LRRC4C: variants seen among roughly 807,000 people sequenced by gnomAD.
LRRC4C encodes leucine-rich repeat-containing protein 4C.
A neutral mutation model predicts 33.6 loss-of-function variants in LRRC4C; 5 were observed. The observed-to-expected ratio is 0.15, with a 90% CI of 0.08 to 0.31. LRRC4C has a LOEUF of 0.31. LRRC4C is among the 10% of genes least tolerant of loss of function. LRRC4C has a pLI of 1.00. For synonymous variants in LRRC4C, 329 were observed against 302.0 expected (o/e 1.09, Z -0.93); for missense variants, 560 against 796.7 (o/e 0.70, Z 3.58).
At chr11:40,199,765 T>A (rs1018445438) in intron 5 of LRRC4C, among the ~76,000 whole-genome samples, 1 of 152,340 alleles carries the variant, frequency 6.6e-6, no homozygotes, top group Non-Finnish European at 1.5e-5. Flanking sequence ...GTTTCCCTTC[T>A]GGGAATTTTC....
chr11:40,615,253 T>TATATATATAAATAA (rs1555119243), intron 3 of LRRC4C, among the ~76,000 whole-genome samples: 2 of 93,116 alleles, frequency 2.1e-5, no homozygotes, highest in African/African-American at 6.6e-5. Context: ...TATATATATA[T>TATATATATAAATAA]ATATATATAT....
intron 1 of LRRC4C, among the ~76,000 whole-genome samples, chr11:41,194,666 A>G (rs1192075162): frequency 6.6e-6 from 1 of 151,788 alleles, no homozygotes; most frequent in Non-Finnish European, 1.5e-5. Flanking sequence ...AAACGATGCC[A>G]AAAAACATGT....
intron 1 of LRRC4C, among the ~76,000 whole-genome samples, chr11:41,247,462 C>T (rs1371163330): frequency 2.0e-5 from 3 of 152,128 alleles, no homozygotes; most frequent in Non-Finnish European, 4.4e-5. Context: ...TAGTCCAAGC[C>T]CAGTAAAAAA....
chr11:41,351,933 A>G (rs1951998715), intron 1 of LRRC4C, among the ~76,000 whole-genome samples: 1 of 152,218 alleles, frequency 6.6e-6, no homozygotes. Flanking sequence ...ACACTTCGGT[A>G]CATAGATGAC....
chr11:40,778,776 G>C (rs1462908111), intron 2 of LRRC4C, among the ~76,000 whole-genome samples: 1 of 152,196 alleles, frequency 6.6e-6, no homozygotes, highest in Non-Finnish European at 1.5e-5. Context: ...GGTAGAGCAA[G>C]TGAAAGACCT....
chr11:40,801,977 A>G (rs1248915557), intron 2 of LRRC4C, among the ~76,000 whole-genome samples: 1 of 152,214 alleles, frequency 6.6e-6, no homozygotes, highest in Non-Finnish European at 1.5e-5. Flanking sequence ...CATTTACTGC[A>G]GGGAGGACTA....
chr11:40,265,432 T>C (rs1481745565), intron 4 of LRRC4C, among the ~76,000 whole-genome samples: 1 of 152,230 alleles, frequency 6.6e-6, no homozygotes, highest in Non-Finnish European at 1.5e-5. Flanking sequence ...TTAAAAAGGC[T>C]TCAATTTTGC....
chr11:41,270,872 G>T (rs1591117930), intron 1 of LRRC4C, among the ~76,000 whole-genome samples: 1 of 152,004 alleles, frequency 6.6e-6, no homozygotes, highest in South Asian at 2.1e-4. Flanking sequence ...ACTTGTGTAG[G>T]TATTTGCTCC....
chr11:41,043,815 C>T (rs1462221), intron 1 of LRRC4C, among the ~76,000 whole-genome samples: 12,852 of 151,984 alleles, frequency 0.085, 593 homozygotes, highest in Non-Finnish European at 0.098. Flanking sequence ...TAACCTATAA[C>T]ATTGCATTAA....
At chr11:40,280,169 C>T (rs1185244398) in intron 4 of LRRC4C, among the ~76,000 whole-genome samples, 2 of 152,136 alleles carry the variant, frequency 1.3e-5, no homozygotes, top group African/African-American at 2.4e-5. Context: ...CTAGGGGATA[C>T]GCTGGGCCTC....
At position 40,208,183 on chromosome 11, in the gene LRRC4C, C is replaced by T. The variant is rs117623878; in HGVS notation, c.-96+33336G>A. On this transcript the variant is annotated intron_variant, in intron 5 of 6. Transcript: ENST00000528697. ...CATGAGTTCAATAATTTATTTTGCT[C>T]ATATGATATGAGGAAATCAAGCAGA... Among the ~76,000 whole-genome samples, 338 of 152,172 alleles carry T rather than the reference C, an allele frequency of 2.2e-3. 1 individual carries two copies. Among genetic ancestry groups the T allele is most frequent in the Non-Finnish European group, 4.2e-3 (283 of 68,020 alleles).
intron 3 of LRRC4C, chr11:40,446,313 A>G (rs1018780488): frequency 2.6e-5 from 4 of 152,196 alleles, no homozygotes; most frequent in Non-Finnish European, 5.9e-5. Flanking sequence ...TCAAGACTCC[A>G]TTGCATCAGG....
At chr11:40,841,870 A>C (rs551504794) in intron 2 of LRRC4C, among the ~76,000 whole-genome samples, 1 of 152,346 alleles carries the variant, frequency 6.6e-6, no homozygotes, top group Non-Finnish European at 1.5e-5. Flanking sequence ...AGCTGCCAAC[A>C]GTTAACTTAG....
At chr11:40,708,032 G>C (rs1946258746) in intron 2 of LRRC4C, among the ~76,000 whole-genome samples, 1 of 152,130 alleles carries the variant, frequency 6.6e-6, no homozygotes, top group Admixed American at 6.5e-5. Flanking sequence ...ATGGTAGTTT[G>C]CATTTCTGTG....
chr11:40,264,970 C>T (rs747222798), intron 4 of LRRC4C, among the ~76,000 whole-genome samples: 4 of 152,124 alleles, frequency 2.6e-5, no homozygotes, highest in South Asian at 4.1e-4. Flanking sequence ...TTGAACTAAA[C>T]GGCTAAAGGT....
intron 3 of LRRC4C, among the ~76,000 whole-genome samples, chr11:40,405,529 C>T (rs978240577): frequency 7.0e-6 from 1 of 142,428 alleles, no homozygotes; most frequent in African/African-American, 2.6e-5. Context: ...CCCAGCTACT[C>T]GGGAGGCTGA....
chr11:41,149,442 G>T (rs1055961280), intron 1 of LRRC4C, among the ~76,000 whole-genome samples: 1 of 150,644 alleles, frequency 6.6e-6, no homozygotes, highest in Non-Finnish European at 1.5e-5. Flanking sequence ...CCCGGGAGGC[G>T]GAGCTTGCAG....
intron 2 of LRRC4C, among the ~76,000 whole-genome samples, chr11:40,771,980 C>T (rs1245259138): frequency 6.6e-6 from 1 of 152,150 alleles, no homozygotes; most frequent in Non-Finnish European, 1.5e-5. Context: ...GTTCCATCCT[C>T]TTACTGTTAC....
At chr11:40,805,656 T>C (rs1455707959) in intron 2 of LRRC4C, among the ~76,000 whole-genome samples, 2 of 152,150 alleles carry the variant, frequency 1.3e-5, no homozygotes, top group Non-Finnish European at 2.9e-5. Flanking sequence ...CCCAAGTCTC[T>C]TGTTGACACT....
Sources: gnomAD v4.1 joint callset for allele counts (sites outside exome capture counted in the v4.1 genomes callset) on GRCh38, gnomAD v4.1.1 for gene constraint, MANE v1.5 for transcripts, NCBI Gene and HGNC (gene_info 2026-07-23, HGNC 2026-07-21) for gene names.